The following CNTN5 variants were observed in gnomAD, a reference collection of about 807,000 sequenced individuals.
The protein encoded by CNTN5 is contactin-5.
A neutral mutation model predicts 129.1 loss-of-function variants in CNTN5; 77 were observed. The ratio of observed to expected loss-of-function variants is 0.60; its 90% CI spans 0.50 to 0.72. The LOEUF is 0.72. Ranked by LOEUF, CNTN5 falls within the 30% of genes least tolerant of loss-of-function variation. The pLI is 0.00. For synonymous variants in CNTN5, 509 were observed against 465.6 expected, an observed-to-expected ratio of 1.09 and a Z score of -1.20; for missense variants, 1,478 against 1,328.8, an observed-to-expected ratio of 1.11 and a Z score of -1.75.
chr11:99,138,122 T>C (rs527999458), intron 1 of CNTN5, among the ~76,000 whole-genome samples: 1 of 152,310 alleles, frequency 6.6e-6, no homozygotes, highest in East Asian at 1.9e-4. Context: ...TTGTATTATA[T>C]AAACACATTC....
chr11:99,822,357 T>C (rs1166896073), intron 4 of CNTN5, among the ~76,000 whole-genome samples: 1 of 152,110 alleles, frequency 6.6e-6, no homozygotes, highest in East Asian at 1.9e-4. Flanking sequence ...CAGATGTCCA[T>C]CAGAAGGGGA....
chr11:99,718,744 A>G (rs1460329506), intron 3 of CNTN5, among the ~76,000 whole-genome samples: 1 of 152,142 alleles, frequency 6.6e-6, no homozygotes, highest in Non-Finnish European at 1.5e-5. Flanking sequence ...CTTACTATGT[A>G]CCAAACACTT....
chr11:100,284,100 T>G (rs991329269), intron 18 of CNTN5, among the ~76,000 whole-genome samples: 1 of 152,166 alleles, frequency 6.6e-6, no homozygotes, highest in Non-Finnish European at 1.5e-5. Context: ...AGCAAACAGA[T>G]TTTCTCTTCT....
At chr11:99,530,725 A>C (rs1947667494) in intron 2 of CNTN5, among the ~76,000 whole-genome samples, 1 of 152,182 alleles carries the variant, frequency 6.6e-6, no homozygotes, top group African/African-American at 2.4e-5. Flanking sequence ...TTCTTGTGAT[A>C]GTGAATACGT....
chr11:99,952,497 A>G (rs186278366), intron 7 of CNTN5, among the ~76,000 whole-genome samples: 1 of 152,312 alleles, frequency 6.6e-6, no homozygotes, highest in Non-Finnish European at 1.5e-5. Context: ...AATAAATGCA[A>G]AACTTGAACT....
chr11:99,274,441 G>C (rs982029423), intron 1 of CNTN5, among the ~76,000 whole-genome samples: 3 of 151,550 alleles, frequency 2.0e-5, no homozygotes, highest in African/African-American at 7.3e-5. Context: ...TTGAGAAGCT[G>C]TTTTTTAAGT....
chr11:99,540,375 A>G (rs1948058457), intron 2 of CNTN5, among the ~76,000 whole-genome samples: 1 of 152,194 alleles, frequency 6.6e-6, no homozygotes, highest in South Asian at 2.1e-4. Flanking sequence ...TTTATTGAGT[A>G]CCTAACAATG....
At chr11:100,092,369 A>G (rs1944821275) in intron 13 of CNTN5, among the ~76,000 whole-genome samples, 1 of 152,122 alleles carries the variant, frequency 6.6e-6, no homozygotes, top group Non-Finnish European at 1.5e-5. Flanking sequence ...TTTAAATGCT[A>G]ATATTCAGAA....
Position 99,143,592 on chromosome 11 carries a change from T to C in CNTN5, c.-210+122322T>C, listed in dbSNP as rs116165346. 7.8e-3 allele frequency among the ~76,000 whole-genome samples: 1,189 copies of C among 152,066 alleles called. 19 individuals carry two copies. The highest frequency in any genetic ancestry group is 0.026 in the African/African-American group (1,097 of 41,506). On this transcript the variant is annotated intron_variant, in intron 1 of 24. Transcript: ENST00000524871. Reference sequence around the variant, plus strand: ...GTCCATTCCTTTGTTCCTTAAAATATATTGAGCACTTCTGCATGTCAAGAG... The same window carrying C: ...GTCCATTCCTTTGTTCCTTAAAATACATTGAGCACTTCTGCATGTCAAGAG...
chr11:99,919,491 C>T (rs183550183), intron 7 of CNTN5, among the ~76,000 whole-genome samples: 9 of 152,128 alleles, frequency 5.9e-5, no homozygotes, highest in African/African-American at 2.2e-4. Flanking sequence ...ACTTCAAAAA[C>T]TTTGTCTTTA....
chr11:100,105,411 C>G (rs538258382), intron 13 of CNTN5, among the ~76,000 whole-genome samples: 2 of 152,230 alleles, frequency 1.3e-5, no homozygotes, highest in Non-Finnish European at 1.5e-5. Flanking sequence ...GTGAGACTTC[C>G]GGTACATCAA....
chr11:100,140,641 G>T lies in CNTN5; in HGVS notation c.1581-50485G>T, dbSNP rs141170580. Reference sequence around the variant, plus strand: ...CCTGACCAGAGGCGTGAAGAGCCGAGATGAGTTAGAGGACAGAGGAGGGTA... The same window carrying T: ...CCTGACCAGAGGCGTGAAGAGCCGATATGAGTTAGAGGACAGAGGAGGGTA... On this transcript the variant is annotated intron_variant, in intron 13 of 24. Coordinates refer to ENST00000524871, the MANE Select transcript of CNTN5 (RefSeq NM_014361.4). Among the ~76,000 whole-genome samples, 12 of 152,290 alleles carry T rather than the reference G, an allele frequency of 7.9e-5. No homozygotes were observed. In the East Asian group the frequency reaches 2.3e-3, roughly 29 times the overall value.
chr11:99,517,053 G>A (rs2515384), intron 2 of CNTN5, among the ~76,000 whole-genome samples: 149,515 of 152,204 alleles, frequency 0.98, 73,496 homozygotes, highest in East Asian at 1. Context: ...CCTGCTATAT[G>A]TTACACACAC....
intron 16 of CNTN5, among the ~76,000 whole-genome samples, chr11:100,243,706 C>A (rs1288472061): frequency 1.3e-5 from 2 of 152,142 alleles, no homozygotes; most frequent in East Asian, 3.8e-4. Context: ...ACTGACTCAG[C>A]ACCAATAAAA....
intron 6 of CNTN5, among the ~76,000 whole-genome samples, chr11:99,898,619 A>G (rs1440116065): frequency 6.6e-6 from 1 of 152,086 alleles, no homozygotes; most frequent in South Asian, 2.1e-4. Flanking sequence ...TTGCCTTTTG[A>G]AGAACACTAA....
At position 100,193,275 on chromosome 11, in the gene CNTN5, G is replaced by A. The variant is rs114392177; in HGVS notation, c.1709-213G>A. ...TAAAATCCAAGTCACATTCTTAATA[G>A]GAACAGAGGCTCTTAAATCATTTCT... On this transcript the variant is annotated intron_variant, in intron 14 of 24. Coordinates refer to ENST00000524871, the MANE Select transcript of CNTN5 (RefSeq NM_014361.4). Among the ~76,000 whole-genome samples the A allele has an allele frequency of 6.7e-3, 1,017 of 151,916 alleles. 7 individuals carry two copies. The highest frequency in any genetic ancestry group is 0.021 in the African/African-American group (852 of 41,488).
At chr11:99,201,517 A>G (rs1859208300) in intron 1 of CNTN5, among the ~76,000 whole-genome samples, 1 of 151,820 alleles carries the variant, frequency 6.6e-6, no homozygotes, top group Admixed American at 6.6e-5. Flanking sequence ...AATCCTCAGA[A>G]CAAGAGAATA....
intron 3 of CNTN5, among the ~76,000 whole-genome samples, chr11:99,560,102 C>T (rs1591279812): frequency 2.6e-5 from 4 of 152,098 alleles, no homozygotes; most frequent in East Asian, 1.9e-4. Flanking sequence ...ATTGAAACTA[C>T]TTTGTATGAT....
At chr11:99,624,252 G>C (rs1277516589) in intron 3 of CNTN5, among the ~76,000 whole-genome samples, 1 of 91,960 alleles carries the variant, frequency 1.1e-5, no homozygotes, top group Non-Finnish European at 2.9e-5. Flanking sequence ...CTATATAATA[G>C]TTGTTTTAAT....
Sources: gnomAD v4.1 joint callset for allele counts (sites outside exome capture counted in the v4.1 genomes callset) on GRCh38, gnomAD v4.1.1 for gene constraint, MANE v1.5 for transcripts, NCBI Gene and HGNC (gene_info 2026-07-23, HGNC 2026-07-21) for gene names.